SMARCA4: variants seen among roughly 807,000 people sequenced by gnomAD.
The protein encoded by SMARCA4 is SWI/SNF-related matrix-associated actin-dependent regulator of chromatin subfamily A member 4.
A neutral mutation model predicts 193.9 loss-of-function variants in SMARCA4; 31 were observed. That is an observed-to-expected ratio of 0.16 (90% CI 0.12 to 0.22). The LOEUF (loss-of-function observed/expected upper bound fraction) is 0.22. Ranked by LOEUF, SMARCA4 falls within the 10% of genes least tolerant of loss-of-function variation. The pLI is 1.00. For synonymous variants in SMARCA4, 942 were observed against 933.1 expected (o/e 1.01, Z -0.17); for missense variants, 1,148 against 2,296.0 (o/e 0.50, Z 10.22).
rs2146237488 is a variant in SMARCA4, at chr19:11,010,484, G to A, written c.2227G>A (p.Asp743Asn). Residue 743 changes from aspartate (D) to asparagine (N), a missense_variant, in exon 15 of 35, where the codon GAC becomes AAC. Transcript: ENST00000344626. ...GGCCCATGCTGTCACTGAGAGAGTG[G>A]ACAAGCAGTCAGCGCTTATGGTCAA... ...AVAHAVTERVDKQSALMVNGV... is the reference protein window; with the variant it reads ...AVAHAVTERVNKQSALMVNGV... 1 of 1,614,112 alleles carries A rather than the reference G, an allele frequency of 6.2e-7. No individual in the cohort carries two copies. Among genetic ancestry groups the A allele is most frequent in the Non-Finnish European group, 8.5e-7 (1 of 1,180,014 alleles).
At chr19:11,061,377 C>G (rs539938769) in intron 34 of SMARCA4, among the ~76,000 whole-genome samples, 1 of 151,430 alleles carries the variant, frequency 6.6e-6, no homozygotes, top group Non-Finnish European at 1.5e-5. Context: ...CCGAGAGGGC[C>G]GAGTGTGGTC....
intron 11 of SMARCA4, among the ~76,000 whole-genome samples, chr19:10,997,577 T>G (rs1243877064): frequency 1.3e-5 from 2 of 151,900 alleles, no homozygotes; most frequent in Non-Finnish European, 2.9e-5. Context: ...CCACCCGCCT[T>G]GGCCTCCCAA....
Position 11,033,538 on chromosome 19 carries a change from G to A in SMARCA4, c.3774+21G>A, listed in dbSNP as rs774385679. On this transcript the variant is annotated intron_variant, in intron 26 of 34. Transcript: ENST00000344626. This position sits in a 1 kb window ranked among gnomAD's most constrained non-coding sequence, Gnocchi z 9.8. Reference sequence around the variant, plus strand: ...ATGAGGTGAGCCCAGCACCGGCCCCGACCCCTCCCCAGCGTGAATGGTGGA... The same window carrying A: ...ATGAGGTGAGCCCAGCACCGGCCCCAACCCCTCCCCAGCGTGAATGGTGGA... 6.3e-6 allele frequency: 10 copies of A among 1,584,132 alleles called. No individual in the cohort carries two copies. The highest frequency in any genetic ancestry group is 4.0e-5 in the African/African-American group (3 of 74,336).
At chr19:10,999,707 A>G (rs2038515600) in intron 11 of SMARCA4, among the ~76,000 whole-genome samples, 1 of 152,152 alleles carries the variant, frequency 6.6e-6, no homozygotes, top group Non-Finnish European at 1.5e-5. Context: ...ATTCTAATCC[A>G]ACAGCACAGG....
rs1026900295 is a variant in SMARCA4, at chr19:11,033,923, G to A, written c.3873+58G>A. Reference sequence around the variant, plus strand: ...CAATCCTCGGCTTCTCGGCTGAGACGGCCAGCAAGGGCCCTGGTCCCACGG... The same window carrying A: ...CAATCCTCGGCTTCTCGGCTGAGACAGCCAGCAAGGGCCCTGGTCCCACGG... On this transcript the variant is annotated intron_variant, in intron 27 of 34. Coordinates refer to ENST00000344626, the MANE Select transcript of SMARCA4 (RefSeq NM_003072.5). The surrounding 1 kb of genome is among the most constrained non-coding windows in gnomAD (Gnocchi z 9.8). 14 of 757,780 alleles carry A rather than the reference G, an allele frequency of 1.8e-5. No homozygotes were observed. Among genetic ancestry groups the A allele is most frequent in the Middle Eastern group, 2.3e-4 (1 of 4,434 alleles). The allele number at this position is 757,780 out of a possible 1,614,324, so 46.9% of individuals were successfully genotyped here.
intron 14 of SMARCA4, among the ~76,000 whole-genome samples, chr19:11,009,734 G>A (rs1274226501): frequency 6.6e-6 from 1 of 150,592 alleles, no homozygotes; most frequent in Non-Finnish European, 1.5e-5. Context: ...TGTCGCCCAG[G>A]CTAGAGTGCA....
At chr19:10,996,634 T>G in intron 11 of SMARCA4, 90 bp downstream of exon 11, 2 of 1,245,276 alleles carry the variant, frequency 1.6e-6, no homozygotes, top group Non-Finnish European at 2.4e-6. Flanking sequence ...CTTTTAAAAT[T>G]ACGAACAATG....
intron 11 of SMARCA4, among the ~76,000 whole-genome samples, chr19:11,000,275 G>T (rs892924639): frequency 6.8e-4 from 102 of 150,660 alleles, no homozygotes; most frequent in Non-Finnish European, 5.6e-4. Flanking sequence ...GGTGGCTCAT[G>T]CCTATAACCC....
intron 8 of SMARCA4, 110 bp from the exon 9 acceptor site, chr19:10,994,718 C>A: frequency 1.0e-6 from 1 of 954,488 alleles, no homozygotes; most frequent in Non-Finnish European, 1.7e-6. Context: ...CTCTGCCTCC[C>A]AAAGCGCTGG....
chr19:11,059,631 G>A lies in SMARCA4; in HGVS notation c.4636-122G>A, dbSNP rs144154122. The A allele has an allele frequency of 8.7e-4, 964 of 1,112,020 alleles. 4 individuals are homozygous for A. In the African/African-American group the frequency reaches 0.012, roughly 14 times the overall value. The allele number at this position is 1,112,020 out of a possible 1,614,324, so 68.9% of individuals were successfully genotyped here. A position where few individuals can be genotyped will look rare whatever the true frequency, so the allele number is the denominator to read the frequency against. The stretch of plus-strand genomic sequence containing the variant: ...CTGAAGCCCCGACCCGCTGAGGCTC[G>A]CATTGGCCACTGATCAGCTGTCCAG... On this transcript the variant is annotated intron_variant, in intron 32 of 34. Coordinates refer to ENST00000344626, the MANE Select transcript of SMARCA4 (RefSeq NM_003072.5).
chr19:11,018,636 G>A (rs572362050), intron 16 of SMARCA4, among the ~76,000 whole-genome samples: 4 of 152,326 alleles, frequency 2.6e-5, no homozygotes, highest in African/African-American at 7.2e-5. Flanking sequence ...GCATTTTCCC[G>A]GCAGCAGGTC....
chr19:11,024,523 C>T (rs533149791), intron 21 of SMARCA4, 85 bp downstream of exon 21: 1 of 843,388 alleles, frequency 1.2e-6, no homozygotes, highest in Admixed American at 1.9e-5. Flanking sequence ...GTGCTCTGAC[C>T]ATCGGGTCAT....
At chr19:11,027,525 A>T (rs2090349051) in intron 23 of SMARCA4, among the ~76,000 whole-genome samples, 1 of 152,086 alleles carries the variant, frequency 6.6e-6, no homozygotes, top group African/African-American at 2.4e-5. Flanking sequence ...TCTCATTTTC[A>T]TGAGTGTCTG....
Position 11,033,853 on chromosome 19 carries a change from G to A in SMARCA4, c.3861G>A (p.Glu1287=), listed in dbSNP as rs138177738. The A allele has an allele frequency of 2.6e-6, 2 of 779,282 alleles. No individual in the cohort carries two copies. Among genetic ancestry groups the A allele is most frequent in the Non-Finnish European group, 4.8e-6 (2 of 418,150 alleles). The allele number at this position is 779,282 out of a possible 1,614,324, so 48.3% of individuals were successfully genotyped here. ...CGGGCGTCAACCCCGACTTGGAGGA[G>A]CCACCTCTAAAGGTGAGAGGGGTAG... ...PPAGVNPDLE[E]PPLKEEDEVP... The change falls in exon 27 of 35, where the codon GAG becomes GAA. Residue 1287 remains glutamate (E), a synonymous_variant. Coordinates refer to ENST00000344626, the MANE Select transcript of SMARCA4 (RefSeq NM_003072.5). This position sits in a 1 kb window ranked among gnomAD's most constrained non-coding sequence, Gnocchi z 9.8.
At chr19:11,038,670 G>T (rs1428465761) in intron 29 of SMARCA4, among the ~76,000 whole-genome samples, 1 of 152,166 alleles carries the variant, frequency 6.6e-6, no homozygotes, top group Non-Finnish European at 1.5e-5. Context: ...AAGGGCCCTG[G>T]CTGGTTCAAG....
intron 29 of SMARCA4, among the ~76,000 whole-genome samples, chr19:11,036,417 G>T (rs780622336): frequency 6.6e-6 from 1 of 152,022 alleles, no homozygotes; most frequent in Admixed American, 6.6e-5. Flanking sequence ...ACACCAACAC[G>T]CCTGGCTAAT....
At chr19:11,047,410 GTT>G (rs71164138) in intron 30 of SMARCA4, among the ~76,000 whole-genome samples, 65,931 of 143,774 alleles carry the variant, frequency 0.46, 15,214 homozygotes, top group Admixed American at 0.54. Flanking sequence ...GTGTCCAGAG[GTT>G]TTTTTTTTTT....
At chr19:11,028,819 A>G (rs953638238) in intron 24 of SMARCA4, among the ~76,000 whole-genome samples, 5 of 152,172 alleles carry the variant, frequency 3.3e-5, no homozygotes, top group African/African-American at 1.2e-4. Context: ...AACTGGGCTT[A>G]CGAGAAACAC....
intron 1 of SMARCA4, among the ~76,000 whole-genome samples, chr19:10,963,382 A>G (rs2083958840): frequency 2.0e-5 from 3 of 151,332 alleles, no homozygotes; most frequent in Admixed American, 2.0e-4. Flanking sequence ...AAAAAAAAAA[A>G]AAAAAAAAAG....
Sources: allele counts gnomAD v4.1 joint callset (sites outside exome capture counted in the v4.1 genomes callset), GRCh38; gene constraint gnomAD v4.1.1; non-coding constraint Gnocchi (gnomAD v3.1); transcripts MANE v1.5; gene names NCBI Gene and HGNC (gene_info 2026-07-23, HGNC 2026-07-21).